Variants in SCN8A observed in about 807,000 individuals in gnomAD.
The protein encoded by SCN8A is sodium channel protein type 8 subunit alpha.
Under a neutral mutation model 184.1 loss-of-function variants are expected in SCN8A, and 30 were observed. That is an observed-to-expected ratio of 0.16 (90% CI 0.12 to 0.22). The LOEUF is 0.22. Among genes scored for constraint, SCN8A ranks in the 10% least tolerant of loss-of-function variants. The pLI is 1.00. For missense variants in SCN8A, 1,057 were observed against 2,498.9 expected (o/e 0.42, Z 12.30); for synonymous variants, 852 against 907.0 (o/e 0.94, Z 1.09).
chr12:51,702,358 G>A (rs10783473), intron 8 of SCN8A, among the ~76,000 whole-genome samples: 124,564 of 150,816 alleles, frequency 0.83, 52,640 homozygotes, highest in East Asian at 0.97. Flanking sequence ...ACTTCTAGCC[G>A]TTTGTCATTT....
chr12:51,655,306 A>G (rs1041931508), intron 1 of SCN8A, among the ~76,000 whole-genome samples: 2 of 151,068 alleles, frequency 1.3e-5, no homozygotes, highest in African/African-American at 2.4e-5. Context: ...TTCCTCTTTC[A>G]TGCCGTATCC....
intron 1 of SCN8A, among the ~76,000 whole-genome samples, chr12:51,601,781 G>A (rs961663980): frequency 1.3e-5 from 2 of 151,678 alleles, no homozygotes; most frequent in Non-Finnish European, 2.9e-5. Context: ...GTCAAATGGG[G>A]ATGTCACTTA....
intron 1 of SCN8A, among the ~76,000 whole-genome samples, chr12:51,653,626 C>G (rs1940763219): frequency 6.6e-6 from 1 of 152,170 alleles, no homozygotes. Flanking sequence ...GCAGTTGTGA[C>G]TAATGCTGCT....
intron 8 of SCN8A, 149 bp downstream of exon 8, chr12:51,701,356 T>G: frequency 2.1e-6 from 1 of 475,756 alleles, no homozygotes. Flanking sequence ...ATAGATTTTC[T>G]TTGTTTCACA....
intron 6 of SCN8A, among the ~76,000 whole-genome samples, chr12:51,691,959 G>A (rs751220932): frequency 6.6e-6 from 1 of 152,160 alleles, no homozygotes; most frequent in African/African-American, 2.4e-5. Flanking sequence ...GAGCACCAGT[G>A]TATGAGTCAG....
intron 11 of SCN8A, 66 bp from the exon 12 acceptor site, chr12:51,721,480 A>C (rs1048014707): frequency 1.5e-5 from 22 of 1,464,844 alleles, no homozygotes; most frequent in South Asian, 1.4e-5. Flanking sequence ...CACTTTGCTC[A>C]GTATAAAGGT....
chr12:51,618,413 G>A (rs1939887266), intron 1 of SCN8A, among the ~76,000 whole-genome samples: 1 of 150,284 alleles, frequency 6.7e-6, no homozygotes, highest in Admixed American at 6.6e-5. Flanking sequence ...GCACAGTTCT[G>A]GATTTGGCTG....
At chr12:51,733,079 C>T (rs578370) in intron 12 of SCN8A, among the ~76,000 whole-genome samples, 116,272 of 152,086 alleles carry the variant, frequency 0.76, 46,642 homozygotes, top group East Asian at 0.9. Context: ...TAAGTAGGAC[C>T]TCCAGTACTA....
intron 14 of SCN8A, among the ~76,000 whole-genome samples, chr12:51,757,337 A>T (rs1942691982): frequency 6.6e-6 from 1 of 151,838 alleles, no homozygotes; most frequent in Admixed American, 6.6e-5. Context: ...TCTCCATTGC[A>T]GTACACATAG....
intron 12 of SCN8A, among the ~76,000 whole-genome samples, chr12:51,739,412 C>G (rs1352555485): frequency 6.6e-6 from 1 of 152,106 alleles, no homozygotes; most frequent in African/African-American, 2.4e-5. Context: ...TCCGGGGGGT[C>G]ATTTTCTTCA....
At chr12:51,659,539 G>C in intron 1 of SCN8A, among the ~76,000 whole-genome samples, 1 of 152,212 alleles carries the variant, frequency 6.6e-6, no homozygotes, top group East Asian at 1.9e-4. Flanking sequence ...GAATGTTTAT[G>C]ATGCATACGG....
intron 11 of SCN8A, among the ~76,000 whole-genome samples, chr12:51,708,267 A>T (rs1941817473): frequency 1.3e-5 from 2 of 152,232 alleles, no homozygotes. Context: ...GATATGTAGT[A>T]TCACACTGAT....
intron 20 of SCN8A, among the ~76,000 whole-genome samples, chr12:51,777,981 G>A (rs570144635): frequency 6.6e-6 from 1 of 152,316 alleles, no homozygotes; most frequent in South Asian, 2.1e-4. Context: ...AGAGTTGGCT[G>A]CACTTGGCAA....
chr12:51,664,542 T>G (rs1204651510), intron 2 of SCN8A, among the ~76,000 whole-genome samples: 1 of 152,056 alleles, frequency 6.6e-6, no homozygotes, highest in East Asian at 1.9e-4. Context: ...AGTAAATGTA[T>G]TGTCCAAGCT....
intron 1 of SCN8A, among the ~76,000 whole-genome samples, chr12:51,629,940 C>T (rs1185369448): frequency 1.3e-5 from 2 of 152,138 alleles, no homozygotes; most frequent in South Asian, 2.1e-4. Flanking sequence ...CTTCATCCTT[C>T]TTCTCTCCCA....
At chr12:51,799,101 A>C (rs1938488795) in intron 26 of SCN8A, among the ~76,000 whole-genome samples, 1 of 151,988 alleles carries the variant, frequency 6.6e-6, no homozygotes, top group Non-Finnish European at 1.5e-5. Context: ...CCGTCTGTAA[A>C]CTAGGCCCTA....
chr12:51,790,582 A>G, intron 25 of SCN8A, 80 bp downstream of exon 25: 2 of 925,760 alleles, frequency 2.2e-6, no homozygotes, highest in African/African-American at 1.7e-5. Context: ...AAAGGAAGGA[A>G]AAAGGTAAGT....
chr12:51,763,873 G>A (rs143366063), intron 15 of SCN8A, among the ~76,000 whole-genome samples: 14 of 152,322 alleles, frequency 9.2e-5, no homozygotes, highest in African/African-American at 3.1e-4. Context: ...TCTTCATTGA[G>A]ATATTCAGCA....
intron 1 of SCN8A, among the ~76,000 whole-genome samples, chr12:51,603,612 C>T (rs1364421424): frequency 6.6e-6 from 1 of 152,166 alleles, no homozygotes; most frequent in Admixed American, 6.5e-5. Flanking sequence ...CAACTAACAA[C>T]TGTTTTTCAG....
Sources: gnomAD v4.1 joint callset for allele counts (sites outside exome capture counted in the v4.1 genomes callset) on GRCh38, gnomAD v4.1.1 for gene constraint, MANE v1.5 for transcripts, NCBI Gene and HGNC (gene_info 2026-07-23, HGNC 2026-07-21) for gene names.